Variants in UBE2E2 observed in about 807,000 individuals in gnomAD.
UBE2E2 encodes ubiquitin conjugating enzyme E2 E2, also known as ubiquitin-conjugating enzyme E2 E2.
Under a neutral mutation model 24.7 loss-of-function variants are expected in UBE2E2, and 6 were observed. The ratio of observed to expected loss-of-function variants is 0.24; its 90% confidence interval spans 0.13 to 0.48. The LOEUF (loss-of-function observed/expected upper bound fraction) is 0.48, where lower values mean the gene tolerates loss of function less well. Ranked by LOEUF, UBE2E2 falls within the 20% of genes least tolerant of loss-of-function variation. The pLI is 0.99. For missense variants in UBE2E2, 169 were observed against 245.0 expected (o/e 0.69, Z 2.07); for synonymous variants, 104 against 83.6 (o/e 1.24, Z -1.33).
chr3:23,434,759 A>C (rs1698146133), intron 3 of UBE2E2, among the ~76,000 whole-genome samples: 1 of 152,198 alleles, frequency 6.6e-6, no homozygotes, highest in Non-Finnish European at 1.5e-5. Context: ...GTGAGAAGGA[A>C]AAACTGAAGA....
chr3:23,373,890 T>C (rs1696456737), intron 3 of UBE2E2, among the ~76,000 whole-genome samples: 1 of 152,184 alleles, frequency 6.6e-6, no homozygotes. Flanking sequence ...TGTAAACATA[T>C]GTCATTAAGT....
intron 3 of UBE2E2, among the ~76,000 whole-genome samples, chr3:23,310,676 G>T (rs1294781911): frequency 6.6e-6 from 1 of 152,106 alleles, no homozygotes; most frequent in Non-Finnish European, 1.5e-5. Context: ...TTGAGCCCTG[G>T]AGTTCAAGAC....
intron 3 of UBE2E2, among the ~76,000 whole-genome samples, chr3:23,260,829 G>T (rs191458227): frequency 6.6e-6 from 1 of 152,296 alleles, no homozygotes; most frequent in South Asian, 2.1e-4. Flanking sequence ...GGGGCTGGGC[G>T]TGATGGTGGC....
At chr3:23,414,282 A>G (rs1223599061) in intron 3 of UBE2E2, among the ~76,000 whole-genome samples, 1 of 152,118 alleles carries the variant, frequency 6.6e-6, no homozygotes, top group East Asian at 1.9e-4. Flanking sequence ...CATTCAATCT[A>G]CCTTACTCTG....
intron 3 of UBE2E2, chr3:23,271,157 G>A (rs1055538387): frequency 2.4e-6 from 1 of 415,030 alleles, no homozygotes; most frequent in East Asian, 7.0e-5. Flanking sequence ...AAGATGGCAA[G>A]TATTGTGTCT....
In UBE2E2 at chr3:23,519,577, A is replaced by T. The variant is rs59507279; in HGVS notation, c.361-12977A>T. ...TATACATGTTAAGTGAGAGTTTTCAAGTCATGTTGAAACAGTTGTTTACTT... is the reference window on the plus strand; with the variant it reads ...TATACATGTTAAGTGAGAGTTTTCATGTCATGTTGAAACAGTTGTTTACTT... On this transcript the variant is annotated intron_variant, in intron 4 of 5. Coordinates refer to ENST00000396703, the MANE Select transcript of UBE2E2 (RefSeq NM_152653.4). Among the ~76,000 whole-genome samples, 97 of 152,336 alleles carry T rather than the reference A, an allele frequency of 6.4e-4. 5 individuals carry two copies. The East Asian group carries it at 0.015, about 24-fold the overall frequency.
Position 23,589,855 on chromosome 3 carries a change from G to C in UBE2E2, c.*24G>C. ...AGGGGCCTGCTGCCTGCCGCCCCGC[G>C]GGACCTGTGCAAGCACATTCACCAA... On this transcript the variant is annotated 3_prime_UTR_variant, in exon 6 of 6. Coordinates refer to ENST00000396703, the MANE Select transcript of UBE2E2 (RefSeq NM_152653.4). This position sits in a 1 kb window ranked among gnomAD's most constrained non-coding sequence, Gnocchi z 4.1. The C allele has an allele frequency of 1.2e-6, 2 of 1,612,714 alleles. No homozygotes were observed. The highest frequency in any genetic ancestry group is 2.7e-5 in the African/African-American group (2 of 75,034).
intron 3 of UBE2E2, among the ~76,000 whole-genome samples, chr3:23,289,029 C>T (rs1698692146): frequency 6.6e-6 from 1 of 152,196 alleles, no homozygotes; most frequent in African/African-American, 2.4e-5. Flanking sequence ...ACTGTTACCA[C>T]TCACCTGATG....
intron 3 of UBE2E2, among the ~76,000 whole-genome samples, chr3:23,386,967 C>A (rs1696817974): frequency 1.3e-5 from 2 of 152,118 alleles, no homozygotes; most frequent in Non-Finnish European, 2.9e-5. Flanking sequence ...TTACAGTTTA[C>A]CCAAGTTGCT....
At chr3:23,212,457 T>C (rs1696355206) in intron 2 of UBE2E2, among the ~76,000 whole-genome samples, 2 of 152,296 alleles carry the variant, frequency 1.3e-5, no homozygotes, top group African/African-American at 4.8e-5. Flanking sequence ...TTTTGAGATC[T>C]TCTTTGAATT....
At chr3:23,392,861 AAG>A (rs1379737329) in intron 3 of UBE2E2, among the ~76,000 whole-genome samples, 2 of 152,236 alleles carry the variant, frequency 1.3e-5, no homozygotes, top group South Asian at 2.1e-4. Context: ...ACAGATTGAG[AAG>A]AGAGAGGAGT....
chr3:23,561,227 C>G (rs1245193130), intron 5 of UBE2E2, among the ~76,000 whole-genome samples: 6 of 152,188 alleles, frequency 3.9e-5, no homozygotes, highest in Non-Finnish European at 8.8e-5. Context: ...AGTCTTTAAT[C>G]CATCTTGAAT....
At chr3:23,366,580 C>T (rs865982198) in intron 3 of UBE2E2, among the ~76,000 whole-genome samples, 38 of 152,074 alleles carry the variant, frequency 2.5e-4, no homozygotes, top group African/African-American at 8.2e-4. Flanking sequence ...TACACATGCA[C>T]ACAAATAAGG....
chr3:23,250,332 A>G (rs1368470104), intron 3 of UBE2E2, among the ~76,000 whole-genome samples: 2 of 152,038 alleles, frequency 1.3e-5, no homozygotes, highest in Non-Finnish European at 1.5e-5. Flanking sequence ...TCAAATGCCT[A>G]CTCCAGTTCC....
intron 3 of UBE2E2, among the ~76,000 whole-genome samples, chr3:23,332,874 A>C (rs1349039393): frequency 6.6e-6 from 1 of 152,106 alleles, no homozygotes; most frequent in Admixed American, 6.6e-5. Context: ...GAAACCCAGC[A>C]CTTTATAAGA....
chr3:23,402,327 C>T (rs189735124), intron 3 of UBE2E2, among the ~76,000 whole-genome samples: 58 of 152,286 alleles, frequency 3.8e-4, no homozygotes, highest in African/African-American at 1.3e-3. Context: ...AGTGATCTTA[C>T]GTGATAGTCA....
intron 4 of UBE2E2, among the ~76,000 whole-genome samples, chr3:23,502,247 T>G (rs1575670579): frequency 8.2e-6 from 1 of 121,638 alleles, no homozygotes; most frequent in Non-Finnish European, 1.7e-5. Flanking sequence ...TTTTTTTTTT[T>G]CACGTTAGCC....
chr3:23,418,584 A>G (rs1697710107), intron 3 of UBE2E2, among the ~76,000 whole-genome samples: 2 of 152,168 alleles, frequency 1.3e-5, no homozygotes, highest in South Asian at 4.1e-4. Flanking sequence ...CTCCGGTTAC[A>G]TTATTCTTGT....
intron 4 of UBE2E2, among the ~76,000 whole-genome samples, chr3:23,505,127 C>T (rs546561603): frequency 8.4e-4 from 124 of 147,086 alleles, no homozygotes; most frequent in African/African-American, 3.0e-3. Context: ...TGCCATGTTG[C>T]TCAGGCTGGT....
Sources: allele counts gnomAD v4.1 joint callset (sites outside exome capture counted in the v4.1 genomes callset), GRCh38; gene constraint gnomAD v4.1.1; non-coding constraint Gnocchi (gnomAD v3.1); transcripts MANE v1.5; gene names NCBI Gene and HGNC (gene_info 2026-07-23, HGNC 2026-07-21).